The following RBPJ variants were observed in gnomAD, a reference collection of about 807,000 sequenced individuals.
RBPJ encodes recombining binding protein suppressor of hairless.
Under a neutral mutation model 67.8 loss-of-function variants are expected in RBPJ, and 9 were observed. The observed-to-expected ratio is 0.13, with a 90% CI of 0.08 to 0.23. The LOEUF is 0.23. Ranked by LOEUF, RBPJ falls within the 10% of genes least tolerant of loss-of-function variation. The probability of loss-of-function intolerance (pLI) is 1.00; values close to 1 mark genes in which losing one functional copy is unlikely to be tolerated. For missense variants in RBPJ, 305 were observed against 595.6 expected (o/e 0.51, Z 5.08); for synonymous variants, 198 against 203.3 (o/e 0.97, Z 0.22).
At chr4:26,142,654 G>T in the RBPJ span, among the ~76,000 whole-genome samples, 4,118 of 152,328 alleles carry the variant, frequency 0.027, 165 homozygotes, top group African/African-American at 0.094. Context: ...TAAGTGAACT[G>T]TTGGGGTCAA....
Position 26,197,976 on chromosome 4 carries a change from G to A in RBPJ, c.-167+34362G>A, listed in dbSNP as rs570509753. Among the ~76,000 whole-genome samples, 80 of 152,150 alleles carry A rather than the reference G, an allele frequency of 5.3e-4. 1 individual carries two copies. Among genetic ancestry groups the A allele is most frequent in the African/African-American group, 1.9e-3 (79 of 41,506 alleles). ...CATTATAATACTATGAGGCAGGCCG[G>A]GCGCAGTGGCTCACTTCACACCTGT... On this transcript the variant is annotated intron_variant, in intron 1 of 4. Coordinates refer to the RBPJ transcript ENST00000512351.
At chr4:26,125,391 T>C in the RBPJ span, among the ~76,000 whole-genome samples, 1 of 152,258 alleles carries the variant, frequency 6.6e-6, no homozygotes. Context: ...GGAATGTTTT[T>C]ATGTATCCTG....
intron 1 of RBPJ, among the ~76,000 whole-genome samples, chr4:26,221,598 A>G (rs1042735677): frequency 2.6e-5 from 4 of 152,148 alleles, no homozygotes; most frequent in African/African-American, 9.7e-5. Context: ...AGATGTCTGG[A>G]CAGAATGTTG....
At chr4:26,354,649 C>T (rs1287265694) in intron 1 of RBPJ, among the ~76,000 whole-genome samples, 2 of 151,896 alleles carry the variant, frequency 1.3e-5, no homozygotes, top group African/African-American at 4.8e-5. Flanking sequence ...CGGGTTTCTC[C>T]GTGTTGGCCA....
chr4:26,402,096 C>T (rs984494539), intron 2 of RBPJ, among the ~76,000 whole-genome samples: 1 of 151,988 alleles, frequency 6.6e-6, no homozygotes, highest in Non-Finnish European at 1.5e-5. Flanking sequence ...CCATGTTGGT[C>T]AGGCTGGTCT....
chr4:26,313,539 G>A (rs1043366810), intron 1 of RBPJ, among the ~76,000 whole-genome samples: 1 of 152,012 alleles, frequency 6.6e-6, no homozygotes, highest in East Asian at 1.9e-4. Context: ...GTGTGGTGGC[G>A]GGCGCCTGTA....
At chr4:26,362,114 A>G (rs1335526999) in intron 1 of RBPJ, among the ~76,000 whole-genome samples, 1 of 152,224 alleles carries the variant, frequency 6.6e-6, no homozygotes, top group Non-Finnish European at 1.5e-5. Context: ...TCTGGCCCTC[A>G]TTCACAGAAT....
chr4:26,124,979 G>T, the RBPJ span, among the ~76,000 whole-genome samples: 1 of 152,062 alleles, frequency 6.6e-6, no homozygotes, highest in Non-Finnish European at 1.5e-5. Flanking sequence ...ATCCTATTCT[G>T]CCACCCCTAA....
intron 1 of RBPJ, among the ~76,000 whole-genome samples, chr4:26,372,257 G>A (rs927147824): frequency 6.6e-6 from 1 of 152,180 alleles, no homozygotes; most frequent in African/African-American, 2.4e-5. Flanking sequence ...TGCCTGTGGT[G>A]GAAGGCAAGA....
At chr4:26,160,864 T>C (rs183737211), upstream of RBPJ, among the ~76,000 whole-genome samples, 34 of 152,348 alleles carry the variant, frequency 2.2e-4, no homozygotes, top group East Asian at 4.8e-3. Flanking sequence ...GATCCCACCC[T>C]GGTTCTCCCA....
chr4:26,189,334 C>A (rs1188921954), intron 1 of RBPJ, among the ~76,000 whole-genome samples: 1 of 152,180 alleles, frequency 6.6e-6, no homozygotes, highest in Non-Finnish European at 1.5e-5. Context: ...CTGATCCAAC[C>A]TGCCACATGT....
At chr4:26,349,089 C>CGCGCGCGCGCGCGCGT (rs1726510940) in intron 1 of RBPJ, among the ~76,000 whole-genome samples, 1 of 129,650 alleles carries the variant, frequency 7.7e-6, no homozygotes, top group Non-Finnish European at 1.7e-5. Flanking sequence ...TGTGTGTGTG[C>CGCGCGCGCGCGCGCGT]GCGCGCGCAC....
Position 26,423,968 on chromosome 4 carries a change from T to G in RBPJ, c.497-374T>G, listed in dbSNP as rs1426267755. Among the ~76,000 whole-genome samples the G allele has an allele frequency of 2.0e-5, 3 of 152,180 alleles. No individual in the cohort carries two copies. The East Asian group carries it at 5.8e-4, about 29-fold the overall frequency. On this transcript the variant is annotated intron_variant, in intron 5 of 10. Transcript: ENST00000355476. ...TAGTCTGCTTTTCCATTCAGTGATA[T>G]TCCAGGAAAATATTTTCTTATCAGT...
Position 26,430,308 on chromosome 4 carries a change from T to A in RBPJ, c.1045-111T>A. 1.0e-6 allele frequency: 1 copy of A among 961,130 alleles called. No individual in the cohort carries two copies. Among genetic ancestry groups the A allele is most frequent in the Non-Finnish European group, 1.6e-6 (1 of 619,884 alleles). The allele number at this position is 961,130 out of a possible 1,614,324, so 59.5% of individuals were successfully genotyped here. ...GCTAGCTTTGTAATAAAAAACATTT[T>A]AATTGCCCTTTTTTAAAAAAAACAA... On this transcript the variant is annotated intron_variant, in intron 9 of 10. Transcript: ENST00000355476. The surrounding 1 kb of genome is among the most constrained non-coding windows in gnomAD (Gnocchi z 4.1).
At chr4:26,272,907 G>T (rs1435776856) in intron 1 of RBPJ, 1 of 242,424 alleles carries the variant, frequency 4.1e-6, no homozygotes, top group Non-Finnish European at 8.5e-6. Context: ...CAACTCTCAA[G>T]CAAGAGTTTC....
chr4:26,396,849 G>A (rs1485244361), intron 2 of RBPJ, among the ~76,000 whole-genome samples: 1 of 152,232 alleles, frequency 6.6e-6, no homozygotes, highest in African/African-American at 2.4e-5. Context: ...CTTAGGAACA[G>A]GACCTGTACT....
At chr4:26,364,620 A>ATTTTCTTTTTTTTTTTTTTT (rs1728428668) in intron 1 of RBPJ, among the ~76,000 whole-genome samples, 1 of 92,460 alleles carries the variant, frequency 1.1e-5, no homozygotes, top group East Asian at 3.0e-4. Context: ...TTTCTTTTTC[A>ATTTTCTTTTTTTTTTTTTTT]TTTTCTTTTT....
At chr4:26,319,738 C>A, upstream of RBPJ, 1 of 843,354 alleles carries the variant, frequency 1.2e-6, no homozygotes, top group Non-Finnish European at 2.0e-6. Flanking sequence ...GCCGCTCGCG[C>A]GGGCCGCGCC....
At chr4:26,291,219 A>T (rs571553841) in intron 1 of RBPJ, among the ~76,000 whole-genome samples, 2 of 151,242 alleles carry the variant, frequency 1.3e-5, no homozygotes, top group East Asian at 3.9e-4. Flanking sequence ...TAGTATATTA[A>T]GATTCTCTTC....
Sources: allele counts gnomAD v4.1 joint callset (sites outside exome capture counted in the v4.1 genomes callset), GRCh38; gene constraint gnomAD v4.1.1; non-coding constraint Gnocchi (gnomAD v3.1); transcripts MANE v1.5; gene names NCBI Gene and HGNC (gene_info 2026-07-23, HGNC 2026-07-21).